The following SPOPL variants were observed in gnomAD, a reference collection of about 807,000 sequenced individuals.
SPOPL encodes the protein speckle type BTB/POZ protein like.
In SPOPL, 23 loss-of-function variants were observed where a neutral mutation model predicts 53.8. The observed-to-expected ratio is 0.43, with a 90% CI of 0.31 to 0.61. The LOEUF is 0.61. Among genes scored for constraint, SPOPL ranks in the 20% least tolerant of loss-of-function variants. The pLI, the probability that SPOPL is intolerant of heterozygous loss-of-function variation, is 0.12. For synonymous variants in SPOPL, 164 were observed against 149.7 expected, an observed-to-expected ratio of 1.10 and a Z score of -0.70; for missense variants, 442 against 466.9, an observed-to-expected ratio of 0.95 and a Z score of 0.49.
At chr2:138,545,756 T>G (rs762296282) in intron 1 of SPOPL, among the ~76,000 whole-genome samples, 1 of 152,150 alleles carries the variant, frequency 6.6e-6, no homozygotes, top group Non-Finnish European at 1.5e-5. Flanking sequence ...AAGTTTTTGA[T>G]TCAGTTCCAG....
intron 1 of SPOPL, among the ~76,000 whole-genome samples, chr2:138,510,612 A>T (rs1684305964): frequency 6.6e-6 from 1 of 152,188 alleles, no homozygotes; most frequent in Admixed American, 6.5e-5. Context: ...AGTACATATA[A>T]ATTAAGAATT....
At chr2:138,555,102 G>T (rs1685392643) in intron 5 of SPOPL, among the ~76,000 whole-genome samples, 1 of 150,160 alleles carries the variant, frequency 6.7e-6, no homozygotes, top group Non-Finnish European at 1.5e-5. Flanking sequence ...GAGGTGAGGG[G>T]AAGAGTGGGG....
At chr2:138,546,551 A>C (rs1009382343) in intron 1 of SPOPL, among the ~76,000 whole-genome samples, 1 of 152,202 alleles carries the variant, frequency 6.6e-6, no homozygotes, top group African/African-American at 2.4e-5. Context: ...ATATTCATTC[A>C]ACAGTGTAAA....
chr2:138,551,892 A>G (rs1460549227), intron 4 of SPOPL, among the ~76,000 whole-genome samples: 2 of 152,044 alleles, frequency 1.3e-5, no homozygotes, highest in Non-Finnish European at 2.9e-5. Context: ...TACCTTAGGC[A>G]TTTGAAATAT....
chr2:138,539,537 A>G (rs1215771535), intron 1 of SPOPL, among the ~76,000 whole-genome samples: 2 of 152,228 alleles, frequency 1.3e-5, no homozygotes, highest in Non-Finnish European at 2.9e-5. Flanking sequence ...TGTTGGCTGC[A>G]TAAATGTCTT....
chr2:138,512,568 G>T (rs994276780), intron 1 of SPOPL, among the ~76,000 whole-genome samples: 1 of 151,932 alleles, frequency 6.6e-6, no homozygotes, highest in African/African-American at 2.4e-5. Flanking sequence ...TGATTTTGTT[G>T]GTTCACCTTG....
At chr2:138,524,073 T>C (rs556696284) in intron 1 of SPOPL, among the ~76,000 whole-genome samples, 1 of 152,196 alleles carries the variant, frequency 6.6e-6, no homozygotes, top group African/African-American at 2.4e-5. Context: ...CAGCAAACTT[T>C]TGCCTGGGCA....
At chr2:138,519,352 A>G (rs1473822923) in intron 1 of SPOPL, among the ~76,000 whole-genome samples, 1 of 149,476 alleles carries the variant, frequency 6.7e-6, no homozygotes, top group African/African-American at 2.4e-5. Flanking sequence ...AGCTTAGCAT[A>G]TTTGATGAAT....
chr2:138,520,718 T>C (rs963760135), intron 1 of SPOPL, among the ~76,000 whole-genome samples: 1 of 152,148 alleles, frequency 6.6e-6, no homozygotes, highest in Non-Finnish European at 1.5e-5. Context: ...TGAATGATTT[T>C]TTAAAAAAAG....
chr2:138,564,597 A>G (rs1685618851), intron 8 of SPOPL, 111 bp from the exon 9 acceptor site: 1 of 1,198,740 alleles, frequency 8.3e-7, no homozygotes, highest in Non-Finnish European at 1.1e-6. Flanking sequence ...ATTTTAAAAT[A>G]ATCTTAAATA....
intron 1 of SPOPL, among the ~76,000 whole-genome samples, chr2:138,526,595 G>T (rs991388794): frequency 2.6e-5 from 4 of 151,806 alleles, no homozygotes; most frequent in African/African-American, 9.7e-5. Flanking sequence ...ACTCGTAAGG[G>T]TGTGCCATAC....
At position 138,542,879 on chromosome 2, in the gene SPOPL, G is replaced by T. The variant is rs183677880; in HGVS notation, c.-60-7278G>T. ...GTTTGTGCAGTGGCTGGTACCGGTTGTTCCTTTCCATGTTTAGCGCTTCCT... is the reference window on the plus strand; with the variant it reads ...GTTTGTGCAGTGGCTGGTACCGGTTTTTCCTTTCCATGTTTAGCGCTTCCT... On this transcript the variant is annotated intron_variant, in intron 1 of 10. Coordinates refer to ENST00000280098, the MANE Select transcript of SPOPL (RefSeq NM_001001664.3). Among the ~76,000 whole-genome samples, 495 of 152,292 alleles carry T rather than the reference G, an allele frequency of 3.3e-3. 4 individuals are homozygous for T. Among genetic ancestry groups the T allele is most frequent in the African/African-American group, 0.011 (460 of 41,550 alleles).
intron 9 of SPOPL, 39 bp downstream of exon 9, chr2:138,564,889 A>C (rs1482019502): frequency 1.2e-6 from 2 of 1,613,788 alleles, no homozygotes; most frequent in Non-Finnish European, 8.5e-7. Flanking sequence ...TGACAACTTC[A>C]ATATTTTTTC....
At chr2:138,533,163 AT>A (rs1247027763) in intron 1 of SPOPL, among the ~76,000 whole-genome samples, 1 of 152,186 alleles carries the variant, frequency 6.6e-6, no homozygotes. Context: ...TGCTATAATA[AT>A]TTAATAAACA....
At position 138,515,240 on chromosome 2, in the gene SPOPL, G is replaced by A. The variant is rs138930606; in HGVS notation, c.-61+13121G>A. On this transcript the variant is annotated intron_variant, in intron 1 of 10. Coordinates refer to ENST00000280098, the MANE Select transcript of SPOPL (RefSeq NM_001001664.3). ...ATTTTGCAAGCTGGTGAAAAGTTTT[G>A]TAGGCTTTTTTATTTGACTGAGTGA... 6.6e-5 allele frequency among the ~76,000 whole-genome samples: 10 copies of A among 152,310 alleles called. No homozygotes were observed. The East Asian group carries it at 1.5e-3, about 23-fold the overall frequency.
intron 1 of SPOPL, among the ~76,000 whole-genome samples, chr2:138,524,164 T>G (rs1684618841): frequency 6.6e-6 from 1 of 152,198 alleles, no homozygotes; most frequent in South Asian, 2.1e-4. Context: ...ACCTGCAGGC[T>G]CAACACCACA....
At chr2:138,510,646 C>T (rs943465926) in intron 1 of SPOPL, among the ~76,000 whole-genome samples, 1 of 152,166 alleles carries the variant, frequency 6.6e-6, no homozygotes, top group East Asian at 1.9e-4. Context: ...CTCTGTATCA[C>T]TTTATAATAC....
chr2:138,509,599 T>G (rs1423855380), intron 1 of SPOPL, among the ~76,000 whole-genome samples: 2 of 151,962 alleles, frequency 1.3e-5, no homozygotes, highest in African/African-American at 4.8e-5. Flanking sequence ...TTTAAAAAAA[T>G]AGATTTTATG....
At chr2:138,517,349 G>A (rs574552351) in intron 1 of SPOPL, among the ~76,000 whole-genome samples, 1 of 152,240 alleles carries the variant, frequency 6.6e-6, no homozygotes, top group African/African-American at 2.4e-5. Flanking sequence ...TGCTTACTTT[G>A]TTGTTTCCTT....
Sources: allele counts gnomAD v4.1 joint callset (sites outside exome capture counted in the v4.1 genomes callset), GRCh38; gene constraint gnomAD v4.1.1; transcripts MANE v1.5; gene names NCBI Gene and HGNC (gene_info 2026-07-23, HGNC 2026-07-21).